Variants in SMAD3 observed in about 807,000 individuals in gnomAD.
The protein encoded by SMAD3 is SMAD family member 3.
A neutral mutation model predicts 51.8 loss-of-function variants in SMAD3; 12 were observed. The observed-to-expected ratio is 0.23, with a 90% CI of 0.15 to 0.38. The LOEUF (loss-of-function observed/expected upper bound fraction) is 0.38. SMAD3 is among the 10% of genes least tolerant of loss of function. The pLI is 1.00. For missense variants in SMAD3, 294 were observed against 565.6 expected (o/e 0.52, Z 4.87); for synonymous variants, 238 against 227.7 (o/e 1.05, Z -0.41).
intron 1 of SMAD3, among the ~76,000 whole-genome samples, chr15:67,130,352 T>C (rs765812839): frequency 5.3e-5 from 8 of 152,144 alleles, no homozygotes; most frequent in Non-Finnish European, 8.8e-5. Flanking sequence ...CCCGGGGCCG[T>C]GGACTGATAC....
At chr15:67,083,184 G>A (rs1960314659) in intron 1 of SMAD3, among the ~76,000 whole-genome samples, 1 of 152,270 alleles carries the variant, frequency 6.6e-6, no homozygotes, top group African/African-American at 2.4e-5. Flanking sequence ...GTTTGCCTCA[G>A]TTCTGAAGTT....
chr15:67,132,725 A>G (rs563938291), intron 1 of SMAD3, among the ~76,000 whole-genome samples: 1 of 152,322 alleles, frequency 6.6e-6, no homozygotes, highest in East Asian at 1.9e-4. Context: ...GAATTGAATG[A>G]GGTGCCTTGC....
chr15:67,123,414 G>A (rs912767214), intron 1 of SMAD3, among the ~76,000 whole-genome samples: 3 of 152,154 alleles, frequency 2.0e-5, no homozygotes, highest in Non-Finnish European at 2.9e-5. Context: ...CAGGAGAATC[G>A]CTTGAACCCA....
At chr15:67,124,776 A>T (rs188070833) in intron 1 of SMAD3, among the ~76,000 whole-genome samples, 3 of 152,328 alleles carry the variant, frequency 2.0e-5, no homozygotes, top group Non-Finnish European at 2.9e-5. Flanking sequence ...AATGAGGGGC[A>T]TCTAGAGGGC....
chr15:67,106,124 CGTCTCCCTCCTACCTG>C (rs1960872405), intron 1 of SMAD3, among the ~76,000 whole-genome samples: 1 of 152,138 alleles, frequency 6.6e-6, no homozygotes, highest in Non-Finnish European at 1.5e-5. Context: ...TTTCTGGCCC[CGTCTCCCTCCTACCTG>C]GTCTCCCTGC....
At chr15:67,085,869 C>CG (rs1491367033) in intron 1 of SMAD3, among the ~76,000 whole-genome samples, 4 of 20,360 alleles carry the variant, frequency 2.0e-4, no homozygotes, top group Non-Finnish European at 4.1e-4. Flanking sequence ...AAAAAGCGTG[C>CG]ACACACACAC....
intron 1 of SMAD3, among the ~76,000 whole-genome samples, chr15:67,113,076 G>GTGTGTATATATATATATATATATA (rs763595789): frequency 8.6e-5 from 3 of 34,972 alleles, no homozygotes; most frequent in Non-Finnish European, 1.7e-4. Flanking sequence ...ATATATATGT[G>GTGTGTATATATATATATATATATA]TATATATATA....
chr15:67,157,121 G>C (rs1010848327), intron 1 of SMAD3, among the ~76,000 whole-genome samples: 2 of 152,300 alleles, frequency 1.3e-5, no homozygotes, highest in African/African-American at 4.8e-5. Flanking sequence ...ACTACTCAAT[G>C]GGCAAGTTGA....
In SMAD3 at chr15:67,160,770, C is replaced by CAAAAAAAAA. The variant is rs547354315; in HGVS notation, c.207-4091_207-4083dup. On this transcript the variant is annotated intron_variant, in intron 1 of 8. Transcript: ENST00000327367. The stretch of plus-strand genomic sequence containing the variant: ...TGGGCGACAGAGCGAGACTCCATCT[C>CAAAAAAAAA]AAAAAAAAAAAAAAAAAAAAAAAAA... 4.3e-4 allele frequency among the ~76,000 whole-genome samples: 26 copies of CAAAAAAAAA among 61,038 alleles called. 2 individuals carry two copies. Among genetic ancestry groups the CAAAAAAAAA allele is most frequent in the African/African-American group, 1.6e-3 (22 of 13,628 alleles). The allele number at this position is 61,038 out of a possible 152,430, so 40.0% of individuals were successfully genotyped here.
chr15:67,085,822 T>A (rs1960375844), intron 1 of SMAD3, among the ~76,000 whole-genome samples: 1 of 151,642 alleles, frequency 6.6e-6, no homozygotes, highest in Non-Finnish European at 1.5e-5. Context: ...GTTACAGGCA[T>A]CTGTTCTGGG....
At chr15:67,121,127 C>T (rs1004079343) in intron 1 of SMAD3, among the ~76,000 whole-genome samples, 19 of 152,218 alleles carry the variant, frequency 1.2e-4, no homozygotes, top group Admixed American at 3.9e-4. Context: ...TGCAGAGAGG[C>T]GGGAGGCCTG....
At chr15:67,147,229 C>T (rs534437464) in intron 1 of SMAD3, among the ~76,000 whole-genome samples, 25 of 152,154 alleles carry the variant, frequency 1.6e-4, no homozygotes, top group African/African-American at 5.1e-4. Context: ...ACAGCCGGGC[C>T]GACTTGAAAG....
intron 1 of SMAD3, among the ~76,000 whole-genome samples, chr15:67,114,284 T>C (rs1961088167): frequency 6.6e-6 from 1 of 152,166 alleles, no homozygotes. Context: ...ATATCCAGCA[T>C]GTATGAGGGA....
chr15:67,191,619 T>C lies in SMAD3; in HGVS notation c.*1083T>C, dbSNP rs1963366826. 2 of 233,074 alleles carry C rather than the reference T, an allele frequency of 8.6e-6. No individual in the cohort carries two copies. Among genetic ancestry groups the C allele is most frequent in the Non-Finnish European group, 1.7e-5 (2 of 117,902 alleles). The allele number at this position is 233,074 out of a possible 1,614,324, so 14.4% of individuals were successfully genotyped here. On this transcript the variant is annotated 3_prime_UTR_variant, in exon 9 of 9. Transcript: ENST00000327367. The stretch of plus-strand genomic sequence containing the variant: ...AGCAACTGCTTCTCTCCCTTCTCTC[T>C]CCTGAGGTGAAGCTTTTCCAGGTTT...
Position 67,066,017 on chromosome 15 carries a change from G to T in SMAD3, c.-138G>T. 1 of 353,248 alleles carries T rather than the reference G, an allele frequency of 2.8e-6. No individual in the cohort carries two copies. 21.9% of individuals were successfully genotyped at this position (353,248 alleles called of 1,614,324 possible). A position where few individuals can be genotyped will look rare whatever the true frequency, so the allele number is the denominator to read the frequency against. Reference sequence around the variant, plus strand: ...GCGCCGCGGCCCGGCCCGGCGCCCCGGCAACTTCGCCGAGAGTTGAGGCGA... The same window carrying T: ...GCGCCGCGGCCCGGCCCGGCGCCCCTGCAACTTCGCCGAGAGTTGAGGCGA... On this transcript the variant is annotated 5_prime_UTR_variant, in exon 1 of 9. Coordinates refer to ENST00000327367, the MANE Select transcript of SMAD3 (RefSeq NM_005902.4).
At position 67,192,764 on chromosome 15, in the gene SMAD3, GAAAA is replaced by G. The variant is rs573496525; in HGVS notation, c.*2234_*2237del. 5 of 227,922 alleles carry G rather than the reference GAAAA, an allele frequency of 2.2e-5. No individual in the cohort carries two copies. Among genetic ancestry groups the G allele is most frequent in the Non-Finnish European group, 4.3e-5 (5 of 115,068 alleles). The allele number at this position is 227,922 out of a possible 1,614,324, so 14.1% of individuals were successfully genotyped here. Reference sequence around the variant, plus strand: ...TCGTGTCTTACTCCAGGTGAAGGGGGAAAAAAAAAGCCTATACTTTGGCAGGTTA... The same window carrying G: ...TCGTGTCTTACTCCAGGTGAAGGGGGAAAAAGCCTATACTTTGGCAGGTTA... On this transcript the variant is annotated 3_prime_UTR_variant, in exon 9 of 9. Transcript: ENST00000327367.
intron 5 of SMAD3, among the ~76,000 whole-genome samples, chr15:67,179,247 C>T (rs571592999): frequency 6.6e-6 from 1 of 152,252 alleles, no homozygotes; most frequent in African/African-American, 2.4e-5. Flanking sequence ...ATATCTAGGG[C>T]AATGGTTTTC....
At chr15:67,088,055 A>G (rs1224174217) in intron 1 of SMAD3, among the ~76,000 whole-genome samples, 1 of 152,232 alleles carries the variant, frequency 6.6e-6, no homozygotes, top group Non-Finnish European at 1.5e-5. Context: ...AAGAATAAAA[A>G]TAAAAACCTT....
rs1361957253 is a variant in SMAD3, at chr15:67,181,443, G to C, written c.861G>C (p.Arg287=). 6.2e-7 allele frequency: 1 copy of C among 1,612,936 alleles called. No homozygotes were observed. The highest frequency in any genetic ancestry group is 8.5e-7 in the Non-Finnish European group (1 of 1,179,930). ...VNRNAAVELT[R]RHIGRGVRLY... ...GGAATGCAGCAGTGGAGCTGACACG[G>C]AGACACATCGGTATGGGGTGGCTCC... Residue 287 remains arginine, a synonymous_variant, in exon 6 of 9, where the codon CGG becomes CGC. Transcript: ENST00000327367.
Sources: allele counts gnomAD v4.1 joint callset (sites outside exome capture counted in the v4.1 genomes callset), GRCh38; gene constraint gnomAD v4.1.1; transcripts MANE v1.5; gene names NCBI Gene and HGNC (gene_info 2026-07-23, HGNC 2026-07-21).